The following ASNS variants were observed in gnomAD, a reference collection of about 807,000 sequenced individuals.
ASNS encodes asparagine synthetase (glutamine-hydrolyzing), also known as asparagine synthetase [glutamine-hydrolyzing].
In ASNS, 37 loss-of-function variants were observed where a neutral mutation model predicts 62.6. The ratio of observed to expected loss-of-function variants is 0.59; its 90% CI spans 0.45 to 0.78. The LOEUF is 0.78. Ranked by LOEUF, ASNS falls within the 30% of genes least tolerant of loss-of-function variation. The pLI is 0.00. For missense variants in ASNS, 520 were observed against 682.4 expected, an observed-to-expected ratio of 0.76 and a Z score of 2.65; for synonymous variants, 207 against 237.9, an observed-to-expected ratio of 0.87 and a Z score of 1.19.
chr7:97,895,162 AACTT>A, the ASNS span, among the ~76,000 whole-genome samples: 2 of 152,242 alleles, frequency 1.3e-5, no homozygotes, highest in Non-Finnish European at 2.9e-5. Context: ...CACTCAGTAA[AACTT>A]ACCATTCCTT....
At chr7:97,925,779 C>G in the ASNS span, among the ~76,000 whole-genome samples, 1 of 152,152 alleles carries the variant, frequency 6.6e-6, no homozygotes, top group Non-Finnish European at 1.5e-5. Flanking sequence ...ATGCTCGGTT[C>G]TGCCTGACAA....
At chr7:97,884,484 G>A in the ASNS span, among the ~76,000 whole-genome samples, 112 of 152,298 alleles carry the variant, frequency 7.4e-4, 4 homozygotes, top group Admixed American at 6.0e-3. Context: ...GGGAGGCAGA[G>A]GTTGCCGTGA....
chr7:97,923,373 T>C, the ASNS span, among the ~76,000 whole-genome samples: 1 of 152,064 alleles, frequency 6.6e-6, no homozygotes, highest in Admixed American at 6.5e-5. Context: ...GCCGATCACT[T>C]GAGGTCAGGA....
chr7:97,860,359 A>G (rs1049295413), intron 4 of ASNS, among the ~76,000 whole-genome samples: 2 of 152,216 alleles, frequency 1.3e-5, no homozygotes, highest in African/African-American at 4.8e-5. Context: ...GAAAAGAACA[A>G]TTAAGGAATT....
At chr7:97,884,168 C>T in the ASNS span, among the ~76,000 whole-genome samples, 4 of 152,116 alleles carry the variant, frequency 2.6e-5, no homozygotes, top group African/African-American at 9.7e-5. Flanking sequence ...TGAGACCCTC[C>T]ATGACCTAGC....
At chr7:97,860,599 T>C (rs13239311) in intron 4 of ASNS, among the ~76,000 whole-genome samples, 16,762 of 152,248 alleles carry the variant, frequency 0.11, 982 homozygotes, top group South Asian at 0.2. Context: ...ACCCCTTTGA[T>C]TGATCTCATT....
At chr7:97,902,485 G>A in the ASNS span, among the ~76,000 whole-genome samples, 1 of 152,268 alleles carries the variant, frequency 6.6e-6, no homozygotes, top group East Asian at 1.9e-4. Context: ...GCCGAGATGA[G>A]CAGATTGCTT....
chr7:97,885,416 G>A, the ASNS span, among the ~76,000 whole-genome samples: 1 of 151,462 alleles, frequency 6.6e-6, no homozygotes, highest in Non-Finnish European at 1.5e-5. Flanking sequence ...AGTGGAAGTG[G>A]TGGGTCATAG....
At chr7:97,914,051 G>C in the ASNS span, among the ~76,000 whole-genome samples, 1 of 142,938 alleles carries the variant, frequency 7.0e-6, no homozygotes, top group African/African-American at 2.6e-5. Flanking sequence ...TTGGTGGGTG[G>C]GTAGGTGGAT....
In ASNS at chr7:97,855,134, T is replaced by C. The variant is rs948260071; in HGVS notation, c.1137+219A>G. The C allele has an allele frequency of 1.4e-3, 679 of 485,398 alleles. 5 individuals are homozygous for C. Among genetic ancestry groups the C allele is most frequent in the Non-Finnish European group, 4.2e-4 (112 of 269,780 alleles). The allele number at this position is 485,398 out of a possible 1,614,324, so 30.1% of individuals were successfully genotyped here. A position where few individuals can be genotyped will look rare whatever the true frequency, so the allele number is the denominator to read the frequency against. On this transcript the variant is annotated intron_variant, in intron 9 of 12. Coordinates refer to ENST00000394308, the MANE Select transcript of ASNS (RefSeq NM_001673.5). ...CTGGGGGTATGAGCATGAGCCCTCA[T>C]ACCCAGCTGTAACTAGTTTTAAAGA... is the stretch of plus-strand genomic sequence containing the variant.
intron 4 of ASNS, among the ~76,000 whole-genome samples, chr7:97,862,014 T>C (rs764202752): frequency 2.0e-5 from 3 of 152,244 alleles, no homozygotes; most frequent in Non-Finnish European, 2.9e-5. Flanking sequence ...TTGATTTTTG[T>C]ATATTCATCT....
chr7:97,858,722 A>G (rs1245541430), intron 6 of ASNS, 132 bp downstream of exon 6: 1 of 915,380 alleles, frequency 1.1e-6, no homozygotes, highest in African/African-American at 1.7e-5. Flanking sequence ...ATAAAAAATC[A>G]TTTCCATCCT....
chr7:97,909,332 C>T, the ASNS span, among the ~76,000 whole-genome samples: 9 of 123,578 alleles, frequency 7.3e-5, no homozygotes, highest in Admixed American at 7.8e-4. Context: ...GAGACAGAGT[C>T]TCGCTCTGTC....
chr7:97,889,333 A>G, the ASNS span, among the ~76,000 whole-genome samples: 4 of 152,320 alleles, frequency 2.6e-5, no homozygotes, highest in Admixed American at 1.3e-4. Context: ...CCTGGCCAAC[A>G]TAGTGAAACC....
At chr7:97,887,537 A>T in the ASNS span, among the ~76,000 whole-genome samples, 1 of 152,166 alleles carries the variant, frequency 6.6e-6, no homozygotes, top group Non-Finnish European at 1.5e-5. Flanking sequence ...AATCTGTATG[A>T]CCAAAAACTT....
the ASNS span, among the ~76,000 whole-genome samples, chr7:97,916,717 G>A: frequency 6.6e-6 from 1 of 152,222 alleles, no homozygotes; most frequent in African/African-American, 2.4e-5. Flanking sequence ...GGGGGAGGCG[G>A]TGAGGATGAG....
At chr7:97,870,231 C>T (rs533170043) in intron 1 of ASNS, 42 of 906,544 alleles carry the variant, frequency 4.6e-5, no homozygotes, top group South Asian at 7.6e-5. Flanking sequence ...CTGAGTGCTA[C>T]GAAGATTGTA....
chr7:97,915,417 T>C, the ASNS span, among the ~76,000 whole-genome samples: 1 of 152,208 alleles, frequency 6.6e-6, no homozygotes, highest in Non-Finnish European at 1.5e-5. Flanking sequence ...CCGTCATTCA[T>C]TAATCAAATT....
chr7:97,862,399 G>A (rs1435682296), intron 4 of ASNS, among the ~76,000 whole-genome samples: 3 of 152,126 alleles, frequency 2.0e-5, no homozygotes, highest in African/African-American at 7.2e-5. Flanking sequence ...ACGACATTCT[G>A]GGAAAGGCAA....
Sources: allele counts gnomAD v4.1 joint callset (sites outside exome capture counted in the v4.1 genomes callset), GRCh38; gene constraint gnomAD v4.1.1; transcripts MANE v1.5; gene names NCBI Gene and HGNC (gene_info 2026-07-23, HGNC 2026-07-21).